ARHGEF6: variants seen among roughly 807,000 people sequenced by gnomAD.
ARHGEF6 encodes Rac/Cdc42 guanine nucleotide exchange factor 6.
A neutral mutation model predicts 70.3 loss-of-function variants in ARHGEF6; 9 were observed. That is an observed-to-expected ratio of 0.13 (90% CI 0.08 to 0.22). ARHGEF6 has a LOEUF of 0.22. Among genes scored for constraint, ARHGEF6 ranks in the 10% least tolerant of loss-of-function variants. ARHGEF6 has a pLI of 1.00. For missense variants in ARHGEF6, 470 were observed against 563.0 expected, an observed-to-expected ratio of 0.83 and a Z score of 1.67; for synonymous variants, 201 against 207.8, an observed-to-expected ratio of 0.97 and a Z score of 0.28.
chrX:136,774,227 C>A (rs1196035346), intron 2 of ARHGEF6: 1 of 111,538 alleles, frequency 9.0e-6, no homozygotes, highest in Non-Finnish European at 1.9e-5. Flanking sequence ...TGAACAATGC[C>A]TAACCTGGAA....
At chrX:136,722,996 A>G (rs1169650230) in intron 6 of ARHGEF6, among the ~76,000 whole-genome samples, 3 of 112,960 alleles carry the variant, frequency 2.7e-5, no homozygotes, top group African/African-American at 9.6e-5. Flanking sequence ...ACATTCTGCA[A>G]CATGGATGAA....
intron 2 of ARHGEF6, among the ~76,000 whole-genome samples, chrX:136,770,726 T>C (rs2077357598): frequency 8.8e-6 from 1 of 113,047 alleles, no homozygotes; most frequent in African/African-American, 3.2e-5. Flanking sequence ...GCAGGCACCG[T>C]GGCTCACACC....
intron 9 of ARHGEF6, among the ~76,000 whole-genome samples, chrX:136,705,154 T>C (rs765628413): frequency 3.6e-5 from 4 of 110,341 alleles, no homozygotes; most frequent in Non-Finnish European, 7.6e-5. Context: ...ACCCCATCTC[T>C]ACAAAAATTA....
At chrX:136,739,533 G>A (rs1293202409) in intron 5 of ARHGEF6, among the ~76,000 whole-genome samples, 2 of 112,639 alleles carry the variant, frequency 1.8e-5, no homozygotes, top group Non-Finnish European at 3.7e-5. Context: ...TAAACAAAAC[G>A]AATGAAGTCT....
chrX:136,708,518 C>T (rs1339489200), intron 8 of ARHGEF6, among the ~76,000 whole-genome samples, 157 bp downstream of exon 8: 1 of 112,200 alleles, frequency 8.9e-6, no homozygotes, highest in Non-Finnish European at 1.9e-5. Context: ...ACTGTGAACA[C>T]TGCCACCTAG....
At chrX:136,755,968 A>G (rs1201899530) in intron 2 of ARHGEF6, among the ~76,000 whole-genome samples, 1 of 111,076 alleles carries the variant, frequency 9.0e-6, no homozygotes, top group Non-Finnish European at 1.9e-5. Context: ...CTAGAACGTA[A>G]GCCCCATGAT....
chrX:136,686,697 C>CAT (rs768836827), intron 11 of ARHGEF6, among the ~76,000 whole-genome samples: 10 of 42,934 alleles, frequency 2.3e-4, no homozygotes, highest in East Asian at 7.5e-4. Context: ...TATATATACA[C>CAT]ATATATATAT....
chrX:136,678,421 T>C (rs1475423789), intron 16 of ARHGEF6, among the ~76,000 whole-genome samples: 1 of 111,549 alleles, frequency 9.0e-6, no homozygotes, highest in African/African-American at 3.3e-5. Flanking sequence ...AAGAAGAAAA[T>C]TGGATGATTG....
intron 11 of ARHGEF6, among the ~76,000 whole-genome samples, chrX:136,686,931 C>T (rs2076409663): frequency 9.3e-6 from 1 of 107,592 alleles, no homozygotes. Context: ...GAAATAAATT[C>T]ACTGTACACA....
rs374060651 is a variant in ARHGEF6, at chrX:136,742,235, C to T, written c.661+1350G>A. Among the ~76,000 whole-genome samples, 228 of 111,524 alleles carry T rather than the reference C, an allele frequency of 2.0e-3. 2 individuals are homozygous for T. In the East Asian group the frequency reaches 0.031, roughly 15 times the overall value. On this transcript the variant is annotated intron_variant, in intron 5 of 21. Coordinates refer to ENST00000250617, the MANE Select transcript of ARHGEF6 (RefSeq NM_004840.3). ...TGGGGAGGCTGAGGCAGGAGAATGG[C>T]GTGAACCCGGGAGGCGGAGTGTGCA...
intron 6 of ARHGEF6, among the ~76,000 whole-genome samples, chrX:136,715,951 G>GT (rs1386546508): frequency 8.9e-6 from 1 of 112,430 alleles, no homozygotes; most frequent in African/African-American, 3.2e-5. Flanking sequence ...TTCTGTTTTT[G>GT]TTTTTTGAGA....
At chrX:136,719,270 T>A (rs2076771783) in intron 6 of ARHGEF6, among the ~76,000 whole-genome samples, 1 of 110,903 alleles carries the variant, frequency 9.0e-6, no homozygotes, top group Non-Finnish European at 1.9e-5. Flanking sequence ...CAGACCACAT[T>A]ATGATCCATA....
chrX:136,740,251 C>T (rs1331465964), intron 5 of ARHGEF6, among the ~76,000 whole-genome samples: 2 of 110,955 alleles, frequency 1.8e-5, no homozygotes, highest in Non-Finnish European at 3.8e-5. Context: ...TCAAGTGATC[C>T]GCCCGCCTCA....
intron 20 of ARHGEF6, among the ~76,000 whole-genome samples, chrX:136,671,531 C>T (rs1362087574): frequency 1.8e-5 from 2 of 112,428 alleles, no homozygotes; most frequent in Non-Finnish European, 3.8e-5. Flanking sequence ...CCCTGAACTT[C>T]CTGTACCTCA....
intron 17 of ARHGEF6, among the ~76,000 whole-genome samples, chrX:136,677,573 A>G (rs186792300): frequency 2.7e-5 from 3 of 111,834 alleles, no homozygotes; most frequent in African/African-American, 9.7e-5. Context: ...GATATTAATT[A>G]TTAATAGTAC....
intron 2 of ARHGEF6, among the ~76,000 whole-genome samples, chrX:136,761,936 C>T (rs2077267346): frequency 9.2e-6 from 1 of 109,223 alleles, no homozygotes; most frequent in African/African-American, 3.3e-5. Context: ...AACGGAGTTT[C>T]GCTGTTGTCG....
chrX:136,766,963 C>T (rs1222311697), intron 2 of ARHGEF6, among the ~76,000 whole-genome samples: 3 of 112,352 alleles, frequency 2.7e-5, no homozygotes, highest in Non-Finnish European at 3.8e-5. Context: ...TCCCCCTTCC[C>T]GGCACCCTGG....
At chrX:136,682,948 T>G (rs2076347587) in intron 12 of ARHGEF6, 104 bp from the exon 13 acceptor site, 2 of 630,558 alleles carry the variant, frequency 3.2e-6, no homozygotes, top group South Asian at 5.3e-5. Context: ...TATAAACAAC[T>G]GAAACATTAA....
chrX:136,747,906 A>G (rs2077112498), intron 2 of ARHGEF6, among the ~76,000 whole-genome samples: 1 of 110,594 alleles, frequency 9.0e-6, no homozygotes, highest in South Asian at 3.9e-4. Flanking sequence ...GAATGTATCA[A>G]TAGTTTCAGC....
Sources: gnomAD v4.1 joint callset for allele counts (sites outside exome capture counted in the v4.1 genomes callset) on GRCh38, gnomAD v4.1.1 for gene constraint, MANE v1.5 for transcripts, NCBI Gene and HGNC (gene_info 2026-07-23, HGNC 2026-07-21) for gene names.